The following WDR19 variants were observed in gnomAD, a reference collection of about 807,000 sequenced individuals.
WDR19 encodes the protein WD repeat domain 19, also known as WD repeat-containing protein 19.
In WDR19, 121 loss-of-function variants were observed where a neutral mutation model predicts 180.0. The observed-to-expected ratio is 0.67, with a 90% CI of 0.58 to 0.78. The LOEUF (loss-of-function observed/expected upper bound fraction) is 0.78. Ranked by LOEUF, WDR19 falls within the 30% of genes least tolerant of loss-of-function variation. The pLI is 0.00. For missense variants in WDR19, 1,450 were observed against 1,640.7 expected (o/e 0.88, Z 2.01); for synonymous variants, 497 against 540.7 (o/e 0.92, Z 1.12).
At chr4:39,237,269 A>G (rs1173874384) in intron 20 of WDR19, among the ~76,000 whole-genome samples, 3 of 152,108 alleles carry the variant, frequency 2.0e-5, no homozygotes, top group African/African-American at 7.2e-5. Flanking sequence ...GTCAAAAAGT[A>G]CTCTTTGGAC....
intron 24 of WDR19, among the ~76,000 whole-genome samples, chr4:39,248,023 G>A (rs1047644999): frequency 8.5e-5 from 13 of 152,158 alleles, no homozygotes; most frequent in East Asian, 1.9e-4. Context: ...GATACTCCTC[G>A]AGAAGAGCAA....
intron 15 of WDR19, among the ~76,000 whole-genome samples, chr4:39,225,272 T>C (rs991203090): frequency 4.6e-5 from 7 of 152,206 alleles, no homozygotes; most frequent in African/African-American, 1.7e-4. Flanking sequence ...GAAAAATAGT[T>C]ATTATATCCT....
chr4:39,204,313 G>A (rs972534267), intron 7 of WDR19, among the ~76,000 whole-genome samples: 7 of 152,020 alleles, frequency 4.6e-5, no homozygotes, highest in Middle Eastern at 3.2e-3. Flanking sequence ...TCAAACTCCC[G>A]ATCTCAGGTG....
intron 1 of WDR19, among the ~76,000 whole-genome samples, chr4:39,184,883 G>C (rs1026432175): frequency 6.6e-6 from 1 of 152,110 alleles, no homozygotes; most frequent in Admixed American, 6.5e-5. Flanking sequence ...AATGTACTGT[G>C]AGCTAATGTA....
intron 24 of WDR19, among the ~76,000 whole-genome samples, chr4:39,251,203 T>C (rs2109430079): frequency 6.6e-6 from 1 of 152,204 alleles, no homozygotes; most frequent in African/African-American, 2.4e-5. Flanking sequence ...GAAATAATGC[T>C]GCATATCTAC....
chr4:39,251,531 A>G (rs1361562400), intron 24 of WDR19, among the ~76,000 whole-genome samples: 7 of 152,184 alleles, frequency 4.6e-5, no homozygotes. Context: ...TAAACTAAAG[A>G]GCTTCTGCAC....
intron 24 of WDR19, among the ~76,000 whole-genome samples, chr4:39,250,443 T>A (rs10011831): frequency 2.0e-5 from 3 of 152,098 alleles, no homozygotes; most frequent in Admixed American, 6.6e-5. Context: ...TTGAAAACCG[T>A]CAAAAGACAG....
At chr4:39,187,388 C>G (rs974781688) in intron 3 of WDR19, among the ~76,000 whole-genome samples, 2 of 149,694 alleles carry the variant, frequency 1.3e-5, no homozygotes, top group African/African-American at 4.9e-5. Flanking sequence ...CTACTGTACT[C>G]CAGCCTGGGT....
At chr4:39,258,452 A>C (rs1334537856) in intron 28 of WDR19, among the ~76,000 whole-genome samples, 1 of 152,168 alleles carries the variant, frequency 6.6e-6, no homozygotes, top group Non-Finnish European at 1.5e-5. Context: ...CACCCAGCCC[A>C]GCAATAGGTC....
chr4:39,234,633 A>G, intron 19 of WDR19, 133 bp from the exon 20 acceptor site: 1 of 675,650 alleles, frequency 1.5e-6, no homozygotes, highest in South Asian at 1.7e-5. Context: ...GTAATATATT[A>G]TCATTGTAAA....
At chr4:39,273,880 G>C (rs1735636339) in intron 32 of WDR19, 1 of 152,180 alleles carries the variant, frequency 6.6e-6, no homozygotes, top group African/African-American at 2.4e-5. Context: ...ATTCTTAAGT[G>C]ATTAAATACT....
intron 2 of WDR19, 45 bp downstream of exon 2, chr4:39,185,862 T>TA: frequency 6.9e-7 from 1 of 1,439,562 alleles, no homozygotes; most frequent in South Asian, 1.3e-5. Flanking sequence ...CATGCCCATG[T>TA]AATCACACCA....
At position 39,278,637 on chromosome 4, in the gene WDR19, A is replaced by C; in HGVS notation, c.4016A>C (p.Glu1339Ala). 1 of 1,611,358 alleles carries C rather than the reference A, an allele frequency of 6.2e-7. No individual in the cohort carries two copies. Residue 1339 changes from glutamate (E) to alanine (A), a missense_variant, in exon 36 of 37, where the codon GAG becomes GCG. Physicochemically the swap from Glu to Ala is moderately radical, Grantham distance 107. Coordinates refer to ENST00000399820, the MANE Select transcript of WDR19 (RefSeq NM_025132.4). ...GACTGTACCCAGTACCTGCGAACGG[A>C]GGAGGAACTGTGATTGGCACGTGCA... The part of the protein sequence containing the change: ...ISDCTQYLRT[E>A]EEL
At chr4:39,236,021 A>T (rs933878768) in intron 20 of WDR19, among the ~76,000 whole-genome samples, 2 of 152,210 alleles carry the variant, frequency 1.3e-5, no homozygotes, top group African/African-American at 4.8e-5. Context: ...GGGAATGCTT[A>T]TATACTGTTG....
At chr4:39,223,530 C>A (rs565708596) in intron 14 of WDR19, among the ~76,000 whole-genome samples, 34 of 151,792 alleles carry the variant, frequency 2.2e-4, no homozygotes, top group Non-Finnish European at 3.7e-4. Context: ...GGGGTTTCAC[C>A]ATGTTTTAGT....
chr4:39,261,144 A>ATT (rs35966394), intron 28 of WDR19, among the ~76,000 whole-genome samples: 3 of 135,200 alleles, frequency 2.2e-5, no homozygotes, highest in Admixed American at 7.4e-5. Flanking sequence ...ACACGCGGCT[A>ATT]TTTTTTTTTT....
At chr4:39,221,371 T>C (rs573846603) in intron 14 of WDR19, among the ~76,000 whole-genome samples, 3 of 152,242 alleles carry the variant, frequency 2.0e-5, no homozygotes, top group Non-Finnish European at 4.4e-5. Context: ...CTTTCCACTA[T>C]GCCACAGTGC....
In WDR19 at chr4:39,204,972, C is replaced by T. The variant is rs148423098; in HGVS notation, c.604-182C>T. 8.4e-4 allele frequency among the ~76,000 whole-genome samples: 128 copies of T among 152,258 alleles called. 1 individual carries two copies. Among genetic ancestry groups the T allele is most frequent in the African/African-American group, 2.8e-3 (117 of 41,534 alleles). ...TATTGAAGATGTGTAAAACCAAGGA[C>T]GCTTACCAGTTTATATATTAGTAAA... On this transcript the variant is annotated intron_variant, in intron 7 of 36. Coordinates refer to ENST00000399820, the MANE Select transcript of WDR19 (RefSeq NM_025132.4).
chr4:39,227,275 GA>G, intron 15 of WDR19, among the ~76,000 whole-genome samples: 1 of 152,202 alleles, frequency 6.6e-6, no homozygotes, highest in African/African-American at 2.4e-5. Flanking sequence ...TTGAGAGTAG[GA>G]TGAGGCAGAT....
Sources: allele counts gnomAD v4.1 joint callset (sites outside exome capture counted in the v4.1 genomes callset), GRCh38; gene constraint gnomAD v4.1.1; transcripts MANE v1.5; gene names NCBI Gene and HGNC (gene_info 2026-07-23, HGNC 2026-07-21).